Variants in SAMD14 observed in about 807,000 individuals in gnomAD.
SAMD14 encodes sterile alpha motif domain-containing protein 14.
SAMD14 carries 27 observed loss-of-function variants against 46.2 expected under a neutral mutation model. The observed-to-expected ratio is 0.58, with a 90% CI of 0.43 to 0.81. The LOEUF (loss-of-function observed/expected upper bound fraction) is 0.81, where lower values mean the gene tolerates loss of function less well. Ranked by LOEUF, SAMD14 falls within the 30% of genes least tolerant of loss-of-function variation. The pLI is 0.00. For synonymous variants in SAMD14, 241 were observed against 254.3 expected (o/e 0.95, Z 0.50); for missense variants, 559 against 582.2 (o/e 0.96, Z 0.41).
chr17:50,117,491 A>G lies in SAMD14; in HGVS notation c.415T>C (p.Cys139Arg). Residue 139 changes from cysteine (C) to arginine (R), a missense_variant, in exon 4 of 10, where the codon TGC (cysteine) becomes CGC (arginine). Coordinates refer to ENST00000330175, the MANE Select transcript of SAMD14 (RefSeq NM_001257359.2). The stretch of plus-strand genomic sequence containing the variant: ...GAGGGCGCGGAGCGCGGCGGAGAGC[A>G]GGAGGCGGCGGCCAGGCCCTCGTGC... ...ASHEGLAAAS[C>R]SPPRSAPSSD... is the part of the protein sequence containing the mutation. The G allele has an allele frequency of 4.8e-6, 7 of 1,446,132 alleles. No homozygotes were observed. Among genetic ancestry groups the G allele is most frequent in the Non-Finnish European group, 5.4e-6 (6 of 1,109,108 alleles). 89.6% of individuals were successfully genotyped at this position (1,446,132 alleles called of 1,614,324 possible).
chr17:50,113,380 C>T, intron 9 of SAMD14: 1 of 319,906 alleles, frequency 3.1e-6, no homozygotes, highest in African/African-American at 2.1e-5. Context: ...CAAGGTCACA[C>T]AGTTAGTGCC....
chr17:50,115,833 C>T lies in SAMD14; in HGVS notation c.659G>A (p.Ser220Asn). The part of the protein sequence containing the change: ...EKGSNRLSMG[S>N]RESVEGSGRS... Reference sequence around the variant, plus strand: ...GGCCGCCATGGGCACCTCTCACCTGCTGCCCATGGACAGTCGGTTGCTGCC... The same window carrying T: ...GGCCGCCATGGGCACCTCTCACCTGTTGCCCATGGACAGTCGGTTGCTGCC... The change falls in exon 6 of 10, where the codon AGC becomes AAC. Residue 220 changes from serine to asparagine, a missense_variant. By Grantham distance (46) the Ser-to-Asn change is conservative. Transcript: ENST00000330175. The surrounding 1 kb of genome is among the most constrained non-coding windows in gnomAD (Gnocchi z 5.3). 6.2e-7 allele frequency: 1 copy of T among 1,612,842 alleles called. No homozygotes were observed. The highest frequency in any genetic ancestry group is 1.7e-5 in the Admixed American group (1 of 60,026).
chr17:50,123,203 T>C (rs1911584091), intron 2 of SAMD14, among the ~76,000 whole-genome samples: 2 of 152,210 alleles, frequency 1.3e-5, no homozygotes, highest in Non-Finnish European at 2.9e-5. Flanking sequence ...GGCATAAAGC[T>C]GGTGAGGAGC....
chr17:50,118,045 G>A (rs1005399914), intron 3 of SAMD14, 116 bp downstream of exon 3: 38 of 1,136,970 alleles, frequency 3.3e-5, no homozygotes, highest in Non-Finnish European at 4.3e-5. Flanking sequence ...AGCATTACTA[G>A]GTCAGGAGTC....
In SAMD14 at chr17:50,115,495, A is replaced by C. The variant is rs1911134077; in HGVS notation, c.822+69T>G. On this transcript the variant is annotated intron_variant, in intron 7 of 9. Transcript: ENST00000330175. The surrounding 1 kb of genome is among the most constrained non-coding windows in gnomAD (Gnocchi z 5.3). ...AATGTCTGAATCCCAGCCTGAGCCA[A>C]GGTGAAGTACGCCCTCATGTCACCT... 1.4e-6 allele frequency: 2 copies of C among 1,476,518 alleles called. No individual in the cohort carries two copies. Among genetic ancestry groups the C allele is most frequent in the Non-Finnish European group, 1.8e-6 (2 of 1,102,098 alleles). The allele number at this position is 1,476,518 out of a possible 1,614,324, so 91.5% of individuals were successfully genotyped here. A position where few individuals can be genotyped will look rare whatever the true frequency, so the allele number is the denominator to read the frequency against.
rs1326109445 is a variant in SAMD14, at chr17:50,115,555, T to C, written c.822+9A>G. 4 of 1,525,602 alleles carry C rather than the reference T, an allele frequency of 2.6e-6. No individual in the cohort carries two copies. Among genetic ancestry groups the C allele is most frequent in the Non-Finnish European group, 3.5e-6 (4 of 1,134,200 alleles). The allele number at this position is 1,525,602 out of a possible 1,614,324, so 94.5% of individuals were successfully genotyped here. A position where few individuals can be genotyped will look rare whatever the true frequency, so the allele number is the denominator to read the frequency against. ...GGCCAGTTTGGGGACAAGAAAGGCA[T>C]GGACTTACCTGGGAAGCTGACTTCT... is the stretch of plus-strand genomic sequence containing the variant. On this transcript the variant is annotated intron_variant, in intron 7 of 9. Transcript: ENST00000330175. The surrounding 1 kb of genome is among the most constrained non-coding windows in gnomAD (Gnocchi z 5.3).
At position 50,117,623 on chromosome 17, in the gene SAMD14, C is replaced by A; in HGVS notation, c.283G>T (p.Gly95Trp). 1 of 1,557,954 alleles carries A rather than the reference C, an allele frequency of 6.4e-7. No individual in the cohort carries two copies. Among genetic ancestry groups the A allele is most frequent in the Non-Finnish European group, 8.6e-7 (1 of 1,161,832 alleles). ...PLHSGPGSPA[G>W]GSFCLDPPGL... ...GGAGGATCCAGGCAGAAAGAGCCCC[C>A]GGCCGGGGACCCCGGGCCTGAGTGC... Residue 95 changes from glycine (G) to tryptophan (W), a missense_variant, in exon 4 of 10, where the codon GGG (glycine) becomes TGG (tryptophan). Transcript: ENST00000330175.
Position 50,116,110 on chromosome 17 carries a change from A to G in SAMD14, c.500-20T>C. 1 of 1,605,138 alleles carries G rather than the reference A, an allele frequency of 6.2e-7. No individual in the cohort carries two copies. The highest frequency in any genetic ancestry group is 1.7e-5 in the Admixed American group (1 of 59,556). ...TGTCATCTTTCCAGGGAGAGAAGGA[A>G]GGAAACTGCCTGTTTGCTGCCCTGC... On this transcript the variant is annotated intron_variant, in intron 4 of 9. Coordinates refer to ENST00000330175, the MANE Select transcript of SAMD14 (RefSeq NM_001257359.2).
In SAMD14 at chr17:50,112,903, T is replaced by G; in HGVS notation, c.1244A>C (p.Lys415Thr). ...EKLRRREQEA[K>T]KS ...CCTGTGCACCCTCCCCTAGCTCTTC[T>G]TGGCCTCCTGCTCTCGGCGCCGGAG... Residue 415 changes from lysine (K) to threonine (T), a missense_variant, in exon 10 of 10, where the codon AAG becomes ACG. Physicochemically the swap from Lys to Thr is moderately conservative, Grantham distance 78. Coordinates refer to ENST00000330175, the MANE Select transcript of SAMD14 (RefSeq NM_001257359.2). The G allele has an allele frequency of 1.2e-6, 2 of 1,605,292 alleles. No homozygotes were observed. The highest frequency in any genetic ancestry group is 1.7e-6 in the Non-Finnish European group (2 of 1,179,724).
chr17:50,119,376 A>G (rs1408675776), intron 2 of SAMD14, among the ~76,000 whole-genome samples: 2 of 152,090 alleles, frequency 1.3e-5, no homozygotes, highest in East Asian at 3.9e-4. Flanking sequence ...AAGATGGGTC[A>G]AGACTTTTCC....
intron 2 of SAMD14, among the ~76,000 whole-genome samples, chr17:50,121,274 C>T (rs924777898): frequency 1.3e-5 from 2 of 151,130 alleles, no homozygotes; most frequent in South Asian, 2.1e-4. Flanking sequence ...GGCTCCTCCT[C>T]GTACCTTCCA....
intron 1 of SAMD14, among the ~76,000 whole-genome samples, chr17:50,128,001 T>C (rs1349634510): frequency 6.6e-6 from 1 of 152,006 alleles, no homozygotes; most frequent in Non-Finnish European, 1.5e-5. Context: ...ATAGGTCTCA[T>C]CTCCCCCCCA....
chr17:50,127,620 C>T (rs1270246611), intron 1 of SAMD14, among the ~76,000 whole-genome samples: 1 of 151,276 alleles, frequency 6.6e-6, no homozygotes, highest in Admixed American at 6.6e-5. Flanking sequence ...AAACAAAAAA[C>T]AAAACCACCT....
Position 50,118,174 on chromosome 17 carries a change from C to G in SAMD14, c.197G>C (p.Gly66Ala), listed in dbSNP as rs775182718. ...SSAEDGEGSD[G>A]PGGKVTDGCG... ...ACTTGCCCCAACCTTGCCTCCGGGC[C>G]CATCCGAGCCTTCACCATCCTCCGC... The change falls in exon 3 of 10, where the codon GGG becomes GCG. Residue 66 changes from glycine to alanine, a missense_variant. Transcript: ENST00000330175. 1.3e-6 allele frequency: 2 copies of G among 1,599,700 alleles called. No individual in the cohort carries two copies. Among genetic ancestry groups the G allele is most frequent in the East Asian group, 4.5e-5 (2 of 44,424 alleles).
chr17:50,124,996 A>G (rs762228155), intron 1 of SAMD14, 25 bp from the exon 2 acceptor site: 15 of 1,610,000 alleles, frequency 9.3e-6, no homozygotes, highest in Non-Finnish European at 1.2e-5. Context: ...AGGGGAGAGA[A>G]AGAAAAAGAG....
chr17:50,119,626 A>G lies in SAMD14; in HGVS notation c.44-1299T>C, dbSNP rs188527551. The stretch of plus-strand genomic sequence containing the variant: ...AAGACCCCAAGGTGTCTCAAGCTCA[A>G]CTCATCAAAATGAACCGATCATGTA... On this transcript the variant is annotated intron_variant, in intron 2 of 9. Coordinates refer to ENST00000330175, the MANE Select transcript of SAMD14 (RefSeq NM_001257359.2). 2.5e-3 allele frequency among the ~76,000 whole-genome samples: 386 copies of G among 152,178 alleles called. 1 individual carries two copies. Among genetic ancestry groups the G allele is most frequent in the African/African-American group, 8.9e-3 (369 of 41,502 alleles).
intron 3 of SAMD14, 150 bp from the exon 4 acceptor site, chr17:50,117,845 G>C: frequency 1.2e-6 from 1 of 832,892 alleles, no homozygotes; most frequent in Non-Finnish European, 1.7e-6. Flanking sequence ...GGGGTGGCTG[G>C]AGAGTGAGAG....
At chr17:50,113,132 G>A in intron 9 of SAMD14, 84 bp from the exon 10 acceptor site, 1 of 1,511,428 alleles carries the variant, frequency 6.6e-7, no homozygotes, top group Non-Finnish European at 8.9e-7. Flanking sequence ...TTTGCCCCAG[G>A]TGTACTCTGT....
intron 1 of SAMD14, among the ~76,000 whole-genome samples, chr17:50,126,463 C>A (rs936680789): frequency 2.6e-5 from 4 of 152,032 alleles, no homozygotes; most frequent in African/African-American, 9.7e-5. Flanking sequence ...CACCACCACG[C>A]CTGGCTAATT....
Sources: allele counts gnomAD v4.1 joint callset (sites outside exome capture counted in the v4.1 genomes callset), GRCh38; gene constraint gnomAD v4.1.1; non-coding constraint Gnocchi (gnomAD v3.1); transcripts MANE v1.5; gene names NCBI Gene and HGNC (gene_info 2026-07-23, HGNC 2026-07-21).